SGCG: variants seen among roughly 807,000 people sequenced by gnomAD.
SGCG encodes the protein gamma-sarcoglycan.
A neutral mutation model predicts 29.3 loss-of-function variants in SGCG; 26 were observed. That is an observed-to-expected ratio of 0.89 (90% CI 0.65 to 1.23). The LOEUF (loss-of-function observed/expected upper bound fraction) is 1.23, where lower values mean the gene tolerates loss of function less well. Among genes scored for constraint, SGCG ranks in the 50% most tolerant of loss-of-function variants. The pLI is 0.00. For missense variants in SGCG, 353 were observed against 356.0 expected (o/e 0.99, Z 0.07); for synonymous variants, 145 against 129.7 (o/e 1.12, Z -0.80).
rs1335998061 is a variant in SGCG, at chr13:23,267,090, T to G, written c.386-12269T>G. 2.0e-5 allele frequency among the ~76,000 whole-genome samples: 3 copies of G among 152,392 alleles called. No homozygotes were observed. The South Asian group carries it at 6.2e-4, about 32-fold the overall frequency. Reference sequence around the variant, plus strand: ...TAAATACAGCTCTGGTTACTGTTGTTCACTTTCTTTCTATTTCCAATAAGA... The same window carrying G: ...TAAATACAGCTCTGGTTACTGTTGTGCACTTTCTTTCTATTTCCAATAAGA... On this transcript the variant is annotated intron_variant, in intron 4 of 7. Coordinates refer to ENST00000218867, the MANE Select transcript of SGCG (RefSeq NM_000231.3).
At chr13:23,247,918 A>T (rs1879778050) in intron 3 of SGCG, among the ~76,000 whole-genome samples, 1 of 147,884 alleles carries the variant, frequency 6.8e-6, no homozygotes, top group East Asian at 2.0e-4. Flanking sequence ...ACACCACTGG[A>T]CTCCAGCCTG....
At chr13:23,253,887 G>A (rs932547864) in intron 4 of SGCG, among the ~76,000 whole-genome samples, 4 of 152,162 alleles carry the variant, frequency 2.6e-5, no homozygotes, top group Admixed American at 6.5e-5. Context: ...CTCTTACCAC[G>A]TGATGCACCT....
At chr13:23,223,410 A>G (rs530308965) in intron 2 of SGCG, among the ~76,000 whole-genome samples, 42 of 152,254 alleles carry the variant, frequency 2.8e-4, no homozygotes, top group African/African-American at 9.9e-4. Flanking sequence ...TATTTGAAAA[A>G]TTAATTTTAC....
chr13:23,225,612 T>C (rs904271658), intron 2 of SGCG, among the ~76,000 whole-genome samples: 45 of 152,260 alleles, frequency 3.0e-4, no homozygotes, highest in African/African-American at 9.6e-4. Context: ...AGCCCTTCCT[T>C]TCTGACACAA....
At chr13:23,291,816 T>A (rs1004557674) in intron 5 of SGCG, among the ~76,000 whole-genome samples, 1 of 152,354 alleles carries the variant, frequency 6.6e-6, no homozygotes, top group East Asian at 1.9e-4. Flanking sequence ...GAATTGACGC[T>A]GCTGTGAAAG....
chr13:23,252,108 CCA>C (rs1455450794), intron 4 of SGCG, among the ~76,000 whole-genome samples: 2 of 152,114 alleles, frequency 1.3e-5, no homozygotes, highest in African/African-American at 4.8e-5. Context: ...GAGATGAACT[CCA>C]GTTTTTCCTG....
Position 23,296,665 on chromosome 13 carries a change from G to A in SGCG, c.578+1178G>A, listed in dbSNP as rs1364265461. Among the ~76,000 whole-genome samples, 4 of 152,234 alleles carry A rather than the reference G, an allele frequency of 2.6e-5. 1 individual carries two copies. In the East Asian group the frequency reaches 7.7e-4, roughly 29 times the overall value. On this transcript the variant is annotated intron_variant, in intron 6 of 7. Transcript: ENST00000218867. ...TGACTAATCTGGGTGCCTCTCATAT[G>A]AGCGAAATAATACAGTTTTTTCCTT...
chr13:23,191,385 T>C (rs1877242042), intron 1 of SGCG, among the ~76,000 whole-genome samples: 1 of 152,154 alleles, frequency 6.6e-6, no homozygotes. Flanking sequence ...CAAGGAGAAC[T>C]TCAGTTGTCA....
intron 1 of SGCG, among the ~76,000 whole-genome samples, chr13:23,197,932 A>T (rs1877575711): frequency 6.6e-6 from 1 of 152,202 alleles, no homozygotes; most frequent in Non-Finnish European, 1.5e-5. Flanking sequence ...AAGTAAAGAA[A>T]CTTTTAAAAG....
chr13:23,218,893 G>A (rs1878538548), intron 2 of SGCG, among the ~76,000 whole-genome samples: 2 of 147,750 alleles, frequency 1.4e-5, no homozygotes, highest in South Asian at 4.3e-4. Flanking sequence ...GGAAAATTAT[G>A]AGCCAAAATA....
chr13:23,188,601 G>A (rs1877102662), intron 1 of SGCG, among the ~76,000 whole-genome samples: 2 of 151,358 alleles, frequency 1.3e-5, no homozygotes, highest in Admixed American at 6.6e-5. Flanking sequence ...TTATAGGTGT[G>A]AGCCACCATG....
At chr13:23,179,916 G>A (rs1425086430), upstream of SGCG, among the ~76,000 whole-genome samples, 1 of 152,062 alleles carries the variant, frequency 6.6e-6, no homozygotes, top group Non-Finnish European at 1.5e-5. Context: ...ACATGTGCAG[G>A]TTTGTTACAC....
intron 5 of SGCG, 42 bp from the exon 6 acceptor site, chr13:23,295,373 T>TG (rs1868760888): frequency 7.1e-7 from 1 of 1,401,294 alleles, no homozygotes; most frequent in Admixed American, 1.7e-5. Context: ...TGGTGTCACT[T>TG]ATTTTACTTC....
intron 3 of SGCG, 78 bp downstream of exon 3, chr13:23,234,790 TAGAGA>T (rs1879247791): frequency 1.0e-6 from 1 of 1,001,530 alleles, no homozygotes; most frequent in African/African-American, 1.6e-5. Flanking sequence ...CAGTACAGTT[TAGAGA>T]AGATTTTTAA....
chr13:23,219,750 TA>T (rs200758384), intron 2 of SGCG, among the ~76,000 whole-genome samples: 3,007 of 70,776 alleles, frequency 0.042, 76 homozygotes, highest in African/African-American at 0.097. Flanking sequence ...ACACAATTAT[TA>T]TTTTTTTTTT....
At chr13:23,191,945 G>A (rs894315714) in intron 1 of SGCG, among the ~76,000 whole-genome samples, 2 of 152,094 alleles carry the variant, frequency 1.3e-5, no homozygotes, top group East Asian at 3.9e-4. Flanking sequence ...CAGCACTTAG[G>A]TGGGCGGATC....
At chr13:23,289,882 A>G (rs1002693523) in intron 5 of SGCG, among the ~76,000 whole-genome samples, 1 of 152,182 alleles carries the variant, frequency 6.6e-6, no homozygotes, top group Non-Finnish European at 1.5e-5. Flanking sequence ...CTTAAGATCA[A>G]TCCAACCATT....
chr13:23,313,317 A>G (rs140663619), intron 6 of SGCG, among the ~76,000 whole-genome samples: 29,554 of 151,704 alleles, frequency 0.19, 3,344 homozygotes, highest in Non-Finnish European at 0.25. Context: ...GGCATCCACC[A>G]CCATGCCCAG....
intron 6 of SGCG, among the ~76,000 whole-genome samples, chr13:23,295,705 C>T (rs948968139): frequency 1.3e-5 from 2 of 152,124 alleles, no homozygotes; most frequent in Non-Finnish European, 2.9e-5. Flanking sequence ...TTCACAGCCT[C>T]CTCCTTCCTC....
Sources: gnomAD v4.1 joint callset for allele counts (sites outside exome capture counted in the v4.1 genomes callset) on GRCh38, gnomAD v4.1.1 for gene constraint, MANE v1.5 for transcripts, NCBI Gene and HGNC (gene_info 2026-07-23, HGNC 2026-07-21) for gene names.